NAA38: variants seen among roughly 807,000 people sequenced by gnomAD.
NAA38 encodes N-alpha-acetyltransferase 38, NatC auxiliary subunit, also known as LSM domain containing 1.
A neutral mutation model predicts 12.6 loss-of-function variants in NAA38; 15 were observed. The observed-to-expected ratio is 1.19, with a 90% confidence interval of 0.79 to 1.83. The LOEUF (loss-of-function observed/expected upper bound fraction) is 1.83, where lower values mean the gene tolerates loss of function less well. Among genes scored for constraint, NAA38 ranks in the 40% most tolerant of loss-of-function variants. NAA38 has a pLI of 0.00. For synonymous variants in NAA38, 88 were observed against 69.9 expected (o/e 1.26, Z -1.29); for missense variants, 183 against 171.7 (o/e 1.07, Z -0.37).
chr17:7,880,297 GAGAGGGAA>G lies in NAA38; in HGVS notation c.-66+2930_-66+2937del, dbSNP rs1056579468. ...GAAAGAACCAAGAAAAGAGAAGTAAGAGAGGGAAAGAGGGAAAGAGTGGAGAGACACAA... is the reference window on the plus strand; with the variant it reads ...GAAAGAACCAAGAAAAGAGAAGTAAGAGAGGGAAAGAGTGGAGAGACACAA... On this transcript the variant is annotated intron_variant, in intron 2 of 4. Transcript: ENST00000576861. Among the ~76,000 whole-genome samples the G allele has an allele frequency of 4.6e-5, 7 of 152,114 alleles. No homozygotes were observed. The East Asian group carries it at 5.8e-4, about 13-fold the overall frequency.
upstream of NAA38, chr17:7,859,395 A>T (rs753661745): frequency 1.2e-6 from 2 of 1,613,990 alleles, no homozygotes; most frequent in Non-Finnish European, 1.7e-6. Context: ...GGGGTTCTGG[A>T]GTCCATATGG....
chr17:7,870,842 G>A (rs1260071287), intron 2 of NAA38, among the ~76,000 whole-genome samples: 7 of 151,052 alleles, frequency 4.6e-5, no homozygotes, highest in East Asian at 2.0e-4. Context: ...AGCCGAGATC[G>A]TGTCACTACA....
rs776807764 is a variant in NAA38 at position 7,857,188 on chromosome 17, C to G, written c.92G>C (p.Gly31Ala). 2 of 1,613,112 alleles carry G rather than the reference C, an allele frequency of 1.2e-6. No individual in the cohort carries two copies. The highest frequency in any genetic ancestry group is 1.7e-6 in the Non-Finnish European group (2 of 1,180,024). ...CTCAGCCGCCGAGTCCTCGCGCTCT[C>G]CGTCCGAATCCTGCGCGGGGTGTAA... ...QSSSSAGDSD[G>A]EREDSAAERA... The change falls in exon 2 of 3, where the codon GGA becomes GCA. Residue 31 changes from glycine (G) to alanine (A), a missense_variant. By Grantham distance (60) the Gly-to-Ala change is moderately conservative. Transcript: ENST00000575771.
At chr17:7,877,877 A>C (rs566120621) in intron 2 of NAA38, among the ~76,000 whole-genome samples, 35 of 152,362 alleles carry the variant, frequency 2.3e-4, no homozygotes, top group African/African-American at 8.4e-4. Flanking sequence ...AGTATATAGT[A>C]GAAGAACACT....
chr17:7,866,526 T>A (rs1035016006), exon 3 of NAA38: 1 of 1,231,468 alleles, frequency 8.1e-7, no homozygotes, highest in Non-Finnish European at 1.0e-6. Flanking sequence ...TCTTTCAGGC[T>A]CTTCTTTGTC....
At chr17:7,879,257 A>G (rs2151392607) in intron 2 of NAA38, among the ~76,000 whole-genome samples, 1 of 152,294 alleles carries the variant, frequency 6.6e-6, no homozygotes, top group Admixed American at 6.5e-5. Context: ...AATCTCTTTA[A>G]CATATCCTTG....
intron 3 of NAA38, chr17:7,864,593 G>C (rs1966930489): frequency 6.6e-6 from 1 of 152,164 alleles, no homozygotes; most frequent in Admixed American, 6.6e-5. Flanking sequence ...CACCGTGCCT[G>C]GCCAATATTT....
chr17:7,883,410 T>A (rs1490464248), intron 1 of NAA38: 1 of 152,224 alleles, frequency 6.6e-6, no homozygotes, highest in African/African-American at 2.4e-5. Context: ...TAAAAATTTG[T>A]TGTTTACCCC....
chr17:7,877,586 G>A (rs951494386), intron 2 of NAA38, among the ~76,000 whole-genome samples: 6 of 152,126 alleles, frequency 3.9e-5, no homozygotes, highest in Non-Finnish European at 7.4e-5. Flanking sequence ...GATTTAGGGT[G>A]TTTCCAGTTT....
chr17:7,863,620 T>C (rs1346020077), intron 3 of NAA38: 1 of 152,196 alleles, frequency 6.6e-6, no homozygotes, highest in Non-Finnish European at 1.5e-5. Context: ...GGTGGATTAC[T>C]AACCTGGCCA....
intron 1 of NAA38, chr17:7,884,910 A>T (rs1167205549): frequency 6.4e-5 from 82 of 1,288,884 alleles, no homozygotes; most frequent in South Asian, 2.1e-4. Flanking sequence ...GAGGAGGAGG[A>T]GGTGGAGGCG....
intron 2 of NAA38, among the ~76,000 whole-genome samples, chr17:7,880,801 G>T (rs1253577766): frequency 6.6e-6 from 1 of 152,156 alleles, no homozygotes; most frequent in East Asian, 1.9e-4. Flanking sequence ...TGTCTTGCTG[G>T]CATCAGACCA....
chr17:7,862,727 G>A (rs375830942), upstream of NAA38: 2 of 118,096 alleles, frequency 1.7e-5, no homozygotes, highest in African/African-American at 3.2e-5. Flanking sequence ...CAACAAGAAC[G>A]AAACTCCATC....
At position 7,857,367 on chromosome 17, in the gene NAA38, C is replaced by T; in HGVS notation, c.81+16G>A. 6.2e-7 allele frequency: 1 copy of T among 1,612,976 alleles called. No homozygotes were observed. The highest frequency in any genetic ancestry group is 8.5e-7 in the Non-Finnish European group (1 of 1,179,706). On this transcript the variant is annotated intron_variant, in intron 1 of 2. Transcript: ENST00000575771. Reference sequence around the variant, plus strand: ...CTTGACTGCCCCTCAGTCCCAGAACCAGAGCCCGTGCTAACCCCAGCACTG... The same window carrying T: ...CTTGACTGCCCCTCAGTCCCAGAACTAGAGCCCGTGCTAACCCCAGCACTG...
chr17:7,860,209 A>G (rs988895355), upstream of NAA38: 5 of 153,058 alleles, frequency 3.3e-5, no homozygotes, highest in African/African-American at 1.2e-4. Flanking sequence ...TCTGGAGTGC[A>G]GTGGCAAAAT....
upstream of NAA38, chr17:7,859,459 GA>G (rs2078866506): frequency 6.2e-7 from 1 of 1,614,030 alleles, no homozygotes; most frequent in African/African-American, 1.3e-5. Flanking sequence ...GCTACACGTG[GA>G]AATATGAAGG....
chr17:7,873,891 G>A (rs1028832892), intron 2 of NAA38, among the ~76,000 whole-genome samples: 4 of 152,148 alleles, frequency 2.6e-5, no homozygotes, highest in African/African-American at 7.2e-5. Context: ...CTAGTGTAAG[G>A]AGAAGGTTTT....
chr17:7,857,411 C>T lies in NAA38; in HGVS notation c.53G>A (p.Ser18Asn). Residue 18 changes from serine (S) to asparagine (N), a missense_variant, in exon 1 of 3, where the codon AGT (serine) becomes AAT (asparagine). Physicochemically the swap from Ser to Asn is conservative, Grantham distance 46. Coordinates refer to ENST00000575771, the MANE Select transcript of NAA38 (RefSeq NM_001320925.4). ...AGCACTGGAGCTGCTCTGACGCCGA[C>T]TGCAACAGCCATTCTCTTCTCGTAG... ...MLLREENGCCSRRQSSSSAGD... is the reference protein window; with the variant it reads ...MLLREENGCCNRRQSSSSAGD... 1 of 1,598,232 alleles carries T rather than the reference C, an allele frequency of 6.3e-7. No individual in the cohort carries two copies. The highest frequency in any genetic ancestry group is 8.5e-7 in the Non-Finnish European group (1 of 1,174,430).
intron 3 of NAA38, chr17:7,864,386 T>C: frequency 6.6e-6 from 1 of 152,212 alleles, no homozygotes; most frequent in East Asian, 1.9e-4. Context: ...AGTGGTGTGA[T>C]CATAGCTCAC....
Sources: allele counts gnomAD v4.1 joint callset (sites outside exome capture counted in the v4.1 genomes callset), GRCh38; gene constraint gnomAD v4.1.1; transcripts MANE v1.5; gene names NCBI Gene and HGNC (gene_info 2026-07-23, HGNC 2026-07-21).